Variants in ACTR3B observed in about 807,000 individuals in gnomAD.
ACTR3B encodes the protein actin related protein 3B.
A neutral mutation model predicts 59.0 loss-of-function variants in ACTR3B; 8 were observed. The observed-to-expected ratio is 0.14, with a 90% confidence interval of 0.08 to 0.24. The LOEUF is 0.24. ACTR3B is among the 10% of genes least tolerant of loss of function. ACTR3B has a pLI of 1.00. For synonymous variants in ACTR3B, 148 were observed against 197.9 expected (o/e 0.75, Z 2.12); for missense variants, 245 against 552.3 (o/e 0.44, Z 5.58).
At chr7:152,763,703 C>T (rs6955520) in intron 1 of ACTR3B, among the ~76,000 whole-genome samples, 2,740 of 152,296 alleles carry the variant, frequency 0.018, 92 homozygotes, top group African/African-American at 0.063. Flanking sequence ...TGATTACAGG[C>T]GTGAGCCACT....
chr7:152,782,980 AT>A (rs2098159534), intron 1 of ACTR3B, among the ~76,000 whole-genome samples: 1 of 149,948 alleles, frequency 6.7e-6, no homozygotes, highest in East Asian at 1.9e-4. Flanking sequence ...AACAAGCATA[AT>A]ATTTTAAGTT....
chr7:152,812,017 G>GTTTTTTT (rs1156557265), intron 4 of ACTR3B: 8 of 45,446 alleles, frequency 1.8e-4, no homozygotes, highest in South Asian at 6.3e-4. Flanking sequence ...GAAAATAAAA[G>GTTTTTTT]TCTTTTTTTT....
At chr7:152,815,850 C>T (rs554841680) in intron 5 of ACTR3B, among the ~76,000 whole-genome samples, 22 of 152,244 alleles carry the variant, frequency 1.4e-4, no homozygotes, top group African/African-American at 4.6e-4. Context: ...GGCCCCACGC[C>T]GGAAACCAAT....
intron 7 of ACTR3B, among the ~76,000 whole-genome samples, chr7:152,821,643 T>C (rs1239268897): frequency 6.6e-6 from 1 of 152,158 alleles, no homozygotes; most frequent in African/African-American, 2.4e-5. Flanking sequence ...GGGTTCCAAT[T>C]TGGACCCTGA....
At chr7:152,826,976 GA>G (rs1796622281) in intron 9 of ACTR3B, among the ~76,000 whole-genome samples, 1 of 151,998 alleles carries the variant, frequency 6.6e-6, no homozygotes, top group Admixed American at 6.6e-5. Context: ...GTATCACACT[GA>G]AAATTATGTA....
At chr7:152,773,631 A>C (rs1471356728) in intron 1 of ACTR3B, among the ~76,000 whole-genome samples, 6 of 152,196 alleles carry the variant, frequency 3.9e-5, no homozygotes, top group African/African-American at 1.4e-4. Flanking sequence ...AAGCAAATGC[A>C]CAGTAAAAGA....
At chr7:152,798,883 T>C (rs1404974097) in intron 2 of ACTR3B, among the ~76,000 whole-genome samples, 1 of 152,260 alleles carries the variant, frequency 6.6e-6, no homozygotes, top group African/African-American at 2.4e-5. Flanking sequence ...CCATGCTGTT[T>C]TGATTACTGT....
At chr7:152,845,845 G>C (rs1248393265) in intron 9 of ACTR3B, among the ~76,000 whole-genome samples, 2 of 152,118 alleles carry the variant, frequency 1.3e-5, no homozygotes, top group Non-Finnish European at 2.9e-5. Context: ...GTCTTCCTGA[G>C]CATTTTCTTA....
At chr7:152,771,507 C>A (rs546614344) in intron 1 of ACTR3B, among the ~76,000 whole-genome samples, 1 of 152,062 alleles carries the variant, frequency 6.6e-6, no homozygotes, top group Non-Finnish European at 1.5e-5. Flanking sequence ...CCTGAAATTA[C>A]GTAGACCACG....
intron 4 of ACTR3B, among the ~76,000 whole-genome samples, chr7:152,810,263 C>T (rs146118279): frequency 0.14 from 22,030 of 151,970 alleles, 2,313 homozygotes; most frequent in African/African-American, 0.3. Context: ...TGCACCACCA[C>T]GCCCAGCTAA....
intron 9 of ACTR3B, among the ~76,000 whole-genome samples, chr7:152,837,068 T>G (rs572445802): frequency 1.5e-3 from 227 of 152,324 alleles, no homozygotes; most frequent in Non-Finnish European, 2.2e-3. Context: ...CTCAGCTACT[T>G]GGGAGACTGA....
intron 1 of ACTR3B, among the ~76,000 whole-genome samples, chr7:152,779,084 A>G (rs1477923299): frequency 4.0e-5 from 6 of 151,134 alleles, no homozygotes; most frequent in Admixed American, 6.6e-5. Flanking sequence ...AGGTTGTGGT[A>G]TAATGTGACA....
At chr7:152,836,725 T>A (rs1381579721) in intron 9 of ACTR3B, among the ~76,000 whole-genome samples, 1 of 152,266 alleles carries the variant, frequency 6.6e-6, no homozygotes, top group Non-Finnish European at 1.5e-5. Flanking sequence ...GATTCGCTGA[T>A]GAGAGCTTTC....
intron 9 of ACTR3B, among the ~76,000 whole-genome samples, chr7:152,848,973 G>A (rs909871282): frequency 9.9e-5 from 15 of 152,194 alleles, no homozygotes; most frequent in African/African-American, 3.1e-4. Flanking sequence ...GGGGCAGGAT[G>A]TTGGCTTGAA....
chr7:152,817,335 C>T (rs1024626481), intron 6 of ACTR3B, among the ~76,000 whole-genome samples: 16 of 151,694 alleles, frequency 1.1e-4, no homozygotes, highest in African/African-American at 3.4e-4. Flanking sequence ...GAGCCGAGAT[C>T]GCACCATTGC....
intron 4 of ACTR3B, among the ~76,000 whole-genome samples, chr7:152,810,423 T>TG (rs199640917): frequency 0.04 from 4,670 of 115,386 alleles, 249 homozygotes; most frequent in African/African-American, 0.12. Context: ...TTTTTTTTTT[T>TG]TTTTTGTTGT....
chr7:152,803,697 C>A (rs1190815805), intron 4 of ACTR3B, among the ~76,000 whole-genome samples: 1 of 152,100 alleles, frequency 6.6e-6, no homozygotes, highest in Non-Finnish European at 1.5e-5. Flanking sequence ...TAAAATGTAA[C>A]CACTTGCCAG....
At chr7:152,806,041 C>T (rs544859364) in intron 4 of ACTR3B, among the ~76,000 whole-genome samples, 107 of 152,222 alleles carry the variant, frequency 7.0e-4, no homozygotes, top group Middle Eastern at 3.4e-3. Context: ...TTCATTGATG[C>T]TTTGATCATC....
At chr7:152,788,411 GTTT>G (rs1194612264) in intron 2 of ACTR3B, among the ~76,000 whole-genome samples, 5 of 130,812 alleles carry the variant, frequency 3.8e-5, no homozygotes, top group Non-Finnish European at 4.8e-5. Context: ...ATGTTCTAAA[GTTT>G]TTTTTTTTTT....
Sources: gnomAD v4.1 joint callset for allele counts (sites outside exome capture counted in the v4.1 genomes callset) on GRCh38, gnomAD v4.1.1 for gene constraint, MANE v1.5 for transcripts, NCBI Gene and HGNC (gene_info 2026-07-23, HGNC 2026-07-21) for gene names.